Variants in ERC1 observed in about 807,000 individuals in gnomAD.
ERC1 encodes the protein RAB6 interacting protein 2.
Under a neutral mutation model 132.0 loss-of-function variants are expected in ERC1, and 56 were observed. The observed-to-expected ratio is 0.42, with a 90% confidence interval of 0.34 to 0.53. The LOEUF is 0.53. ERC1 is among the 20% of genes least tolerant of loss of function. ERC1 has a pLI of 0.03. For synonymous variants in ERC1, 478 were observed against 476.1 expected, an observed-to-expected ratio of 1.00 and a Z score of -0.05; for missense variants, 1,202 against 1,349.9, an observed-to-expected ratio of 0.89 and a Z score of 1.72.
intron 17 of ERC1, among the ~76,000 whole-genome samples, chr12:1,412,049 G>C (rs983446846): frequency 6.6e-6 from 1 of 152,196 alleles, no homozygotes; most frequent in African/African-American, 2.4e-5. Flanking sequence ...CCATGCAATT[G>C]CAATTAGCCA....
intron 12 of ERC1, among the ~76,000 whole-genome samples, chr12:1,224,877 G>T (rs1487546436): frequency 6.6e-6 from 1 of 151,958 alleles, no homozygotes; most frequent in Non-Finnish European, 1.5e-5. Flanking sequence ...TATAGTCCCG[G>T]CTACTTGGGA....
At chr12:1,289,794 T>G (rs898017934) in intron 14 of ERC1, 58 bp from the exon 15 acceptor site, 2 of 1,435,556 alleles carry the variant, frequency 1.4e-6, no homozygotes, top group South Asian at 2.4e-5. Flanking sequence ...GTTACCCAGG[T>G]CCTCTGACTC....
chr12:1,279,893 A>G (rs533650726), intron 14 of ERC1, among the ~76,000 whole-genome samples: 1 of 152,104 alleles, frequency 6.6e-6, no homozygotes, highest in South Asian at 2.1e-4. Flanking sequence ...ACGAGGTTTC[A>G]CCATGTTGGC....
At chr12:1,146,037 T>C (rs1950313851) in intron 8 of ERC1, among the ~76,000 whole-genome samples, 1 of 152,212 alleles carries the variant, frequency 6.6e-6, no homozygotes, top group Admixed American at 6.5e-5. Context: ...TTGCTTAGTC[T>C]TGCCTTGGCT....
rs139661885 is a variant in ERC1, at chr12:1,165,391, C to T, written c.1738-15149C>T. ...CGCGATCTTGGCTCACTGCAAGTTC[C>T]GCCTCCCGGGTTCACGCCATTCTCC... On this transcript the variant is annotated intron_variant, in intron 8 of 18. Transcript: ENST00000360905. Among the ~76,000 whole-genome samples, 1,323 of 151,904 alleles carry T rather than the reference C, an allele frequency of 8.7e-3. 14 individuals are homozygous for T. The highest frequency in any genetic ancestry group is 0.03 in the African/African-American group (1,227 of 41,428).
chr12:1,433,276 G>A (rs374049551), intron 17 of ERC1, among the ~76,000 whole-genome samples: 1 of 152,200 alleles, frequency 6.6e-6, no homozygotes, highest in African/African-American at 2.4e-5. Flanking sequence ...TTCCTGGAAG[G>A]TATAAGTTGT....
At chr12:1,389,741 C>T (rs2089776864) in intron 16 of ERC1, among the ~76,000 whole-genome samples, 1 of 152,154 alleles carries the variant, frequency 6.6e-6, no homozygotes, top group Non-Finnish European at 1.5e-5. Context: ...CATGAATACT[C>T]CAAAGAGTTA....
At chr12:1,358,014 T>G (rs1402744786) in intron 15 of ERC1, among the ~76,000 whole-genome samples, 1 of 152,184 alleles carries the variant, frequency 6.6e-6, no homozygotes, top group East Asian at 1.9e-4. Context: ...TTCACCTATC[T>G]GTCTTGTGAT....
intron 13 of ERC1, among the ~76,000 whole-genome samples, chr12:1,237,420 T>C (rs2075493348): frequency 6.6e-6 from 1 of 152,184 alleles, no homozygotes; most frequent in Non-Finnish European, 1.5e-5. Context: ...TTTTTTCACT[T>C]CAGTGGAGTG....
rs1180374985 is a variant in ERC1 at position 1,492,044 on chromosome 12, C to G, written c.*1814C>G. ...CAGTCCAGGAACTTCCCACCACCAGCCCTTGACTGTCCCATTAACTGACAT... is the reference window on the plus strand; with the variant it reads ...CAGTCCAGGAACTTCCCACCACCAGGCCTTGACTGTCCCATTAACTGACAT... On this transcript the variant is annotated 3_prime_UTR_variant, in exon 19 of 19. Transcript: ENST00000360905. The G allele has an allele frequency of 8.6e-6, 2 of 233,078 alleles. No individual in the cohort carries two copies. The highest frequency in any genetic ancestry group is 1.7e-5 in the Non-Finnish European group (2 of 117,968). 14.4% of individuals were successfully genotyped at this position (233,078 alleles called of 1,614,324 possible). A position where few individuals can be genotyped will look rare whatever the true frequency, so the allele number is the denominator to read the frequency against.
intron 1 of ERC1, among the ~76,000 whole-genome samples, chr12:1,008,311 TA>T (rs1473096153): frequency 2.0e-5 from 3 of 152,228 alleles, no homozygotes; most frequent in African/African-American, 7.2e-5. Context: ...CATATGTAAT[TA>T]AAAAATTTTT....
chr12:1,456,252 A>C (rs750457670), intron 18 of ERC1, among the ~76,000 whole-genome samples: 1 of 152,252 alleles, frequency 6.6e-6, no homozygotes, highest in African/African-American at 2.4e-5. Context: ...TTTTACACCA[A>C]CTGGCCAAAG....
chr12:1,046,359 G>A (rs1971082926), intron 2 of ERC1, among the ~76,000 whole-genome samples: 1 of 152,134 alleles, frequency 6.6e-6, no homozygotes, highest in African/African-American at 2.4e-5. Flanking sequence ...CCTTCCTACA[G>A]GAGTTGTACA....
chr12:1,400,916 A>ATTATTTTTTTTTT (rs2090981093), intron 16 of ERC1, among the ~76,000 whole-genome samples: 3 of 15,040 alleles, frequency 2.0e-4, no homozygotes, highest in African/African-American at 9.3e-4. Context: ...CTATTTTTGT[A>ATTATTTTTTTTTT]TTTTTTTTTT....
At chr12:1,380,588 G>A (rs778563327) in intron 16 of ERC1, 2 of 152,270 alleles carry the variant, frequency 1.3e-5, no homozygotes, top group Non-Finnish European at 2.9e-5. Flanking sequence ...CATGTGGCAA[G>A]TCCTTCCGGC....
At chr12:1,399,347 C>T (rs531287820) in intron 16 of ERC1, among the ~76,000 whole-genome samples, 1 of 152,274 alleles carries the variant, frequency 6.6e-6, no homozygotes, top group East Asian at 1.9e-4. Flanking sequence ...ATTCACATCC[C>T]ATGCAATTTA....
Position 1,141,743 on chromosome 12 carries a change from A to C in ERC1, c.1693A>C (p.Met565Leu). 6.2e-7 allele frequency: 1 copy of C among 1,611,774 alleles called. No individual in the cohort carries two copies. The highest frequency in any genetic ancestry group is 8.5e-7 in the Non-Finnish European group (1 of 1,178,838). ...QAGEIHDLKDMLDVKERKVNV... is the reference protein window; with the variant it reads ...QAGEIHDLKDLLDVKERKVNV... ...TGGAGAGATACATGACCTCAAGGACATGTTGGATGTGAAGGAGCGGAAGGT... is the reference window on the plus strand; with the variant it reads ...TGGAGAGATACATGACCTCAAGGACCTGTTGGATGTGAAGGAGCGGAAGGT... Residue 565 changes from methionine (M) to leucine (L), a missense_variant, in exon 8 of 19, where the codon ATG (methionine) becomes CTG (leucine). By Grantham distance (15) the Met-to-Leu change is conservative. Coordinates refer to ENST00000360905, the MANE Select transcript of ERC1 (RefSeq NM_178040.4).
At chr12:1,187,416 T>G (rs1057134929) in intron 11 of ERC1, among the ~76,000 whole-genome samples, 1 of 152,000 alleles carries the variant, frequency 6.6e-6, no homozygotes, top group African/African-American at 2.4e-5. Flanking sequence ...TATTCTTTTA[T>G]TATCTTTATC....
At chr12:1,141,038 A>G (rs73593905) in intron 7 of ERC1, among the ~76,000 whole-genome samples, 1,623 of 152,230 alleles carry the variant, frequency 0.011, 27 homozygotes, top group African/African-American at 0.037. Context: ...GTATCATTAG[A>G]TTTCTTGTTA....
Sources: gnomAD v4.1 joint callset for allele counts (sites outside exome capture counted in the v4.1 genomes callset) on GRCh38, gnomAD v4.1.1 for gene constraint, MANE v1.5 for transcripts, NCBI Gene and HGNC (gene_info 2026-07-23, HGNC 2026-07-21) for gene names.